Variants in ALG9 observed in about 807,000 individuals in gnomAD.
ALG9 encodes the protein alpha-1,2-mannosyltransferase ALG9.
ALG9 carries 55 observed loss-of-function variants against 81.8 expected under a neutral mutation model. The ratio of observed to expected loss-of-function variants is 0.67; its 90% CI spans 0.54 to 0.84. The LOEUF (loss-of-function observed/expected upper bound fraction) is 0.84, where lower values mean the gene tolerates loss of function less well. Among genes scored for constraint, ALG9 ranks in the 40% least tolerant of loss-of-function variants. The pLI is 0.00. For missense variants in ALG9, 629 were observed against 745.0 expected, an observed-to-expected ratio of 0.84 and a Z score of 1.81; for synonymous variants, 278 against 274.3, an observed-to-expected ratio of 1.01 and a Z score of -0.13.
the ALG9 span, among the ~76,000 whole-genome samples, chr11:111,770,724 G>A: frequency 1.3e-5 from 2 of 151,948 alleles, no homozygotes; most frequent in African/African-American, 2.4e-5. Context: ...AAAATAAAAA[G>A]GATTGTCCCT....
intron 14 of ALG9, among the ~76,000 whole-genome samples, chr11:111,794,507 TCTTAAAG>T (rs1426537081): frequency 5.9e-5 from 9 of 152,060 alleles, no homozygotes; most frequent in Non-Finnish European, 1.0e-4. Context: ...CCCAGGATGG[TCTTAAAG>T]CTTCAAGCAA....
intron 13 of ALG9, among the ~76,000 whole-genome samples, chr11:111,821,108 T>C (rs566136228): frequency 4.5e-4 from 68 of 152,274 alleles, no homozygotes; most frequent in Non-Finnish European, 7.6e-4. Context: ...AAAATAAAAT[T>C]TTTTAAAAAG....
chr11:111,871,066 T>C (rs1341301331), intron 1 of ALG9: 6 of 1,171,858 alleles, frequency 5.1e-6, no homozygotes, highest in Non-Finnish European at 5.3e-6. Flanking sequence ...TTTGATCCTG[T>C]CTACATCTCC....
Position 111,862,310 on chromosome 11 carries a change from T to C in ALG9, c.477-1675A>G, listed in dbSNP as rs200814074. 1.1e-4 allele frequency among the ~76,000 whole-genome samples: 17 copies of C among 151,654 alleles called. No homozygotes were observed. In the East Asian group the frequency reaches 3.1e-3, roughly 28 times the overall value. On this transcript the variant is annotated intron_variant, in intron 4 of 14. Coordinates refer to ENST00000616540, the MANE Select transcript of ALG9 (RefSeq NM_024740.2). ...GTGCAATGGGGTGATCTTGGCTCACTGCAATTTCCGTCTCTTGAGTTCAAG... is the reference window on the plus strand; with the variant it reads ...GTGCAATGGGGTGATCTTGGCTCACCGCAATTTCCGTCTCTTGAGTTCAAG...
chr11:111,870,565 AT>A (rs1301162185), intron 1 of ALG9, among the ~76,000 whole-genome samples, 195 bp from the exon 2 acceptor site: 2 of 151,938 alleles, frequency 1.3e-5, no homozygotes, highest in Non-Finnish European at 2.9e-5. Context: ...TTAAGAAAAA[AT>A]TTTTATGAGA....
Position 111,853,730 on chromosome 11 carries a change from G to T in ALG9, c.708C>A (p.Pro236=). 1 of 1,613,558 alleles carries T rather than the reference G, an allele frequency of 6.2e-7. No individual in the cohort carries two copies. The highest frequency in any genetic ancestry group is 1.1e-5 in the South Asian group (1 of 91,060). The change falls in exon 7 of 15, where the codon CCC becomes CCA. Residue 236 remains proline, a synonymous_variant. Transcript: ENST00000616540. ...GWPFSAALGL[P]IAFDLLVMKH... ...TCATGACCAGCAAATCAAAGGCAAT[G>T]GGTAAACTATTTAACAGAGAAACAG...
chr11:111,830,104 C>A lies in ALG9; in HGVS notation c.1602+6061G>T, dbSNP rs563839497. On this transcript the variant is annotated intron_variant, in intron 13 of 14. Coordinates refer to ENST00000616540, the MANE Select transcript of ALG9 (RefSeq NM_024740.2). ...TCATTTAAAAGGAAAATACATTTCA[C>A]TTGATTCCAGAAAAGAATCAGACTC... Among the ~76,000 whole-genome samples, 5 of 152,324 alleles carry A rather than the reference C, an allele frequency of 3.3e-5. No individual in the cohort carries two copies. In the South Asian group the frequency reaches 1.0e-3, roughly 32 times the overall value.
intron 7 of ALG9, 74 bp from the exon 8 acceptor site, chr11:111,853,559 A>C: frequency 6.4e-7 from 1 of 1,562,804 alleles, no homozygotes; most frequent in Non-Finnish European, 8.8e-7. Flanking sequence ...TGAGAATGAA[A>C]AACAGAATAA....
chr11:111,866,289 C>T (rs626627), intron 3 of ALG9, among the ~76,000 whole-genome samples: 7,681 of 152,198 alleles, frequency 0.05, 636 homozygotes, highest in African/African-American at 0.17. Context: ...GAGTGAGACT[C>T]CATCTCAAAA....
the ALG9 span, among the ~76,000 whole-genome samples, chr11:111,771,764 T>A: frequency 9.8e-5 from 15 of 152,366 alleles, no homozygotes; most frequent in Admixed American, 3.3e-4. Context: ...AAAGTAGTGA[T>A]TATCACCATA....
intron 14 of ALG9, among the ~76,000 whole-genome samples, chr11:111,801,870 T>C (rs1374582634): frequency 2.6e-5 from 4 of 152,182 alleles, no homozygotes; most frequent in Non-Finnish European, 5.9e-5. Flanking sequence ...CAGGCCCAGG[T>C]CTCATGTTGT....
intron 2 of ALG9, 110 bp from the exon 3 acceptor site, chr11:111,868,846 C>A: frequency 1.8e-6 from 2 of 1,124,046 alleles, no homozygotes; most frequent in Non-Finnish European, 1.2e-6. Context: ...GCAAGCCAGG[C>A]ACGATGCCTC....
chr11:111,823,461 T>C (rs1952753946), intron 13 of ALG9, among the ~76,000 whole-genome samples: 1 of 152,232 alleles, frequency 6.6e-6, no homozygotes, highest in Admixed American at 6.5e-5. Flanking sequence ...AAAGTCTATG[T>C]CTTGCTTTTA....
chr11:111,817,963 G>A (rs12574610), intron 13 of ALG9, among the ~76,000 whole-genome samples: 1 of 152,006 alleles, frequency 6.6e-6, no homozygotes, highest in African/African-American at 2.4e-5. Context: ...ATTTTTAATA[G>A]AGACGGGATT....
At chr11:111,856,606 T>C (rs1430627239) in intron 6 of ALG9, among the ~76,000 whole-genome samples, 8 of 151,336 alleles carry the variant, frequency 5.3e-5, no homozygotes, top group African/African-American at 1.7e-4. Context: ...TGTTTTTACC[T>C]TATACAATCT....
At chr11:111,833,625 A>G (rs1555114868) in intron 13 of ALG9, among the ~76,000 whole-genome samples, 1 of 152,208 alleles carries the variant, frequency 6.6e-6, no homozygotes, top group African/African-American at 2.4e-5. Context: ...ACCCAGAGCT[A>G]AAGGTCCATG....
chr11:111,811,880 G>T (rs977849580), intron 13 of ALG9, among the ~76,000 whole-genome samples: 1 of 152,054 alleles, frequency 6.6e-6, no homozygotes, highest in Non-Finnish European at 1.5e-5. Flanking sequence ...GGTTTTTTTG[G>T]GGGGGAGGCA....
At chr11:111,853,828 A>C in intron 6 of ALG9, 92 bp from the exon 7 acceptor site, 5 of 1,170,278 alleles carry the variant, frequency 4.3e-6, no homozygotes, top group Non-Finnish European at 5.1e-6. Context: ...TGAGAATAAA[A>C]TGCCTCTGCC....
At chr11:111,798,884 A>C (rs527311645) in intron 14 of ALG9, among the ~76,000 whole-genome samples, 4 of 152,320 alleles carry the variant, frequency 2.6e-5, no homozygotes, top group African/African-American at 7.2e-5. Context: ...TAAGGCAAAG[A>C]AGCAGCCAAT....
Sources: allele counts gnomAD v4.1 joint callset (sites outside exome capture counted in the v4.1 genomes callset), GRCh38; gene constraint gnomAD v4.1.1; transcripts MANE v1.5; gene names NCBI Gene and HGNC (gene_info 2026-07-23, HGNC 2026-07-21).